Variants in GRIK2 observed in about 807,000 individuals in gnomAD.
GRIK2 encodes glutamate receptor ionotropic, kainate 2.
GRIK2 carries 32 observed loss-of-function variants against 100.3 expected under a neutral mutation model. The ratio of observed to expected loss-of-function variants is 0.32; its 90% CI spans 0.24 to 0.43. The LOEUF (loss-of-function observed/expected upper bound fraction) is 0.43. Among genes scored for constraint, GRIK2 ranks in the 20% least tolerant of loss-of-function variants. The pLI is 1.00. For missense variants in GRIK2, 843 were observed against 1,114.9 expected, an observed-to-expected ratio of 0.76 and a Z score of 3.47; for synonymous variants, 417 against 389.4, an observed-to-expected ratio of 1.07 and a Z score of -0.83.
chr6:101,864,931 C>T (rs946752944), intron 11 of GRIK2, among the ~76,000 whole-genome samples: 2 of 152,148 alleles, frequency 1.3e-5, no homozygotes, highest in Admixed American at 1.3e-4. Context: ...TAAAGTTTAG[C>T]TCTTTTATAA....
chr6:101,705,781 A>C (rs985973862), intron 7 of GRIK2, among the ~76,000 whole-genome samples: 25 of 151,932 alleles, frequency 1.6e-4, no homozygotes, highest in African/African-American at 5.3e-4. Context: ...TTGCACACCA[A>C]TTAATTTTTC....
intron 14 of GRIK2, among the ~76,000 whole-genome samples, chr6:101,999,549 T>A (rs572771338): frequency 3.9e-4 from 59 of 152,120 alleles, no homozygotes; most frequent in Non-Finnish European, 7.1e-4. Context: ...AATAGTGATC[T>A]TGTATCCTGA....
Position 101,981,433 on chromosome 6 carries a change from C to T in GRIK2, c.2085+52801C>T, listed in dbSNP as rs1793707876. Among the ~76,000 whole-genome samples, 2 of 151,814 alleles carry T rather than the reference C, an allele frequency of 1.3e-5. 1 individual carries two copies. Among genetic ancestry groups the T allele is most frequent in the South Asian group, 4.1e-4 (2 of 4,836 alleles). ...TACAGTGCATTGATTGTATCATCTT[C>T]ATCATTCAGCCCAAAGATCAACTGA... is the stretch of plus-strand genomic sequence containing the variant. On this transcript the variant is annotated intron_variant, in intron 14 of 16. Coordinates refer to ENST00000369134, the MANE Select transcript of GRIK2 (RefSeq NM_021956.5).
chr6:101,760,617 A>G lies in GRIK2; in HGVS notation c.952-39031A>G, dbSNP rs1275087286. ...ATATAATTATATATAATTATATTTAATTATATGTTTAATTATATATAATTA... is the reference window on the plus strand; with the variant it reads ...ATATAATTATATATAATTATATTTAGTTATATGTTTAATTATATATAATTA... On this transcript the variant is annotated intron_variant, in intron 7 of 16. Coordinates refer to ENST00000369134, the MANE Select transcript of GRIK2 (RefSeq NM_021956.5). 2.8e-3 allele frequency among the ~76,000 whole-genome samples: 302 copies of G among 108,386 alleles called. 2 individuals carry two copies. The highest frequency in any genetic ancestry group is 0.011 in the African/African-American group (290 of 25,506). 71.1% of individuals were successfully genotyped at this position (108,386 alleles called of 152,430 possible).
intron 2 of GRIK2, among the ~76,000 whole-genome samples, chr6:101,472,516 T>G (rs932421994): frequency 1.3e-5 from 2 of 151,900 alleles, no homozygotes; most frequent in Non-Finnish European, 2.9e-5. Flanking sequence ...ACAAATGTAC[T>G]GTGTGGTTGT....
At chr6:101,488,916 T>G (rs1293474732) in intron 2 of GRIK2, among the ~76,000 whole-genome samples, 1 of 146,094 alleles carries the variant, frequency 6.8e-6, no homozygotes, top group Non-Finnish European at 1.5e-5. Flanking sequence ...GGTCTAAGGA[T>G]CTCACAAGTT....
At chr6:101,798,704 G>A (rs1225394796) in intron 7 of GRIK2, among the ~76,000 whole-genome samples, 1 of 151,858 alleles carries the variant, frequency 6.6e-6, no homozygotes, top group Non-Finnish European at 1.5e-5. Context: ...AGCATGCCAA[G>A]CAGATGGCCA....
chr6:101,664,135 G>T (rs1562294668), intron 4 of GRIK2, among the ~76,000 whole-genome samples: 1 of 152,158 alleles, frequency 6.6e-6, no homozygotes, highest in African/African-American at 2.4e-5. Flanking sequence ...TTTTTGCTCA[G>T]TGTAGTGTGA....
chr6:101,756,165 G>A (rs1777123325), intron 7 of GRIK2, among the ~76,000 whole-genome samples: 1 of 152,170 alleles, frequency 6.6e-6, no homozygotes, highest in African/African-American at 2.4e-5. Flanking sequence ...GAAGAGGTAA[G>A]TTTCCCTAAG....
chr6:101,396,197 G>A (rs920218812), intron 1 of GRIK2, among the ~76,000 whole-genome samples: 2 of 150,676 alleles, frequency 1.3e-5, no homozygotes, highest in African/African-American at 4.9e-5. Context: ...CATCAACTAT[G>A]CCACCAAATC....
intron 2 of GRIK2, among the ~76,000 whole-genome samples, chr6:101,438,110 G>A (rs1489398577): frequency 6.6e-6 from 1 of 151,902 alleles, no homozygotes; most frequent in Admixed American, 6.6e-5. Context: ...GTTTAATGGG[G>A]GTATTTATTA....
intron 7 of GRIK2, among the ~76,000 whole-genome samples, chr6:101,699,848 A>G (rs1340847358): frequency 6.6e-6 from 1 of 152,078 alleles, no homozygotes; most frequent in Non-Finnish European, 1.5e-5. Context: ...CATTCACAAT[A>G]TGAAAACCTA....
At chr6:101,700,930 C>T (rs1772848648) in intron 7 of GRIK2, among the ~76,000 whole-genome samples, 1 of 152,092 alleles carries the variant, frequency 6.6e-6, no homozygotes, top group Non-Finnish European at 1.5e-5. Context: ...CAAAAGAGGC[C>T]TTAGAGCTTT....
chr6:101,712,811 T>C (rs17062377), intron 7 of GRIK2, among the ~76,000 whole-genome samples: 7,565 of 151,860 alleles, frequency 0.05, 622 homozygotes, highest in African/African-American at 0.17. Flanking sequence ...CAGTTTCCAA[T>C]TGGACTTTAG....
chr6:101,788,380 AC>A (rs1308764816), intron 7 of GRIK2, among the ~76,000 whole-genome samples: 2 of 150,634 alleles, frequency 1.3e-5, no homozygotes, highest in African/African-American at 4.9e-5. Flanking sequence ...CCACAATAGT[AC>A]CCAGAGTGTG....
chr6:102,048,006 C>CA (rs2114479653), intron 15 of GRIK2, among the ~76,000 whole-genome samples: 1 of 151,354 alleles, frequency 6.6e-6, no homozygotes, highest in South Asian at 2.1e-4. Flanking sequence ...GCCCCCCTCC[C>CA]AAGAAAAAAA....
chr6:101,947,566 T>C (rs1791357328), intron 14 of GRIK2, among the ~76,000 whole-genome samples: 1 of 152,192 alleles, frequency 6.6e-6, no homozygotes, highest in Non-Finnish European at 1.5e-5. Context: ...TATGTTGTAG[T>C]AAAGCTGAGA....
At chr6:101,656,206 G>A (rs1284007140) in intron 4 of GRIK2, among the ~76,000 whole-genome samples, 1 of 151,736 alleles carries the variant, frequency 6.6e-6, no homozygotes, top group Non-Finnish European at 1.5e-5. Flanking sequence ...GGGAGGCTGA[G>A]GCAGGAGAAT....
intron 7 of GRIK2, among the ~76,000 whole-genome samples, chr6:101,731,499 C>CA (rs1775267792): frequency 4.6e-5 from 7 of 151,904 alleles, no homozygotes; most frequent in African/African-American, 1.7e-4. Context: ...AAAACATTTG[C>CA]ACATAGGGTT....
Sources: gnomAD v4.1 joint callset for allele counts (sites outside exome capture counted in the v4.1 genomes callset) on GRCh38, gnomAD v4.1.1 for gene constraint, MANE v1.5 for transcripts, NCBI Gene and HGNC (gene_info 2026-07-23, HGNC 2026-07-21) for gene names.